Variants in DYNC1I2 observed in about 807,000 individuals in gnomAD.
DYNC1I2 encodes dynein cytoplasmic 1 intermediate chain 2, also known as cytoplasmic dynein 1 intermediate chain 2.
Under a neutral mutation model 88.6 loss-of-function variants are expected in DYNC1I2, and 53 were observed. The observed-to-expected ratio is 0.60, with a 90% CI of 0.48 to 0.75. The LOEUF (loss-of-function observed/expected upper bound fraction) is 0.75, where lower values mean the gene tolerates loss of function less well. Ranked by LOEUF, DYNC1I2 falls within the 30% of genes least tolerant of loss-of-function variation. The pLI is 0.00. For synonymous variants in DYNC1I2, 198 were observed against 254.6 expected (o/e 0.78, Z 2.12); for missense variants, 458 against 766.6 (o/e 0.60, Z 4.75).
At chr2:171,721,906 G>C (rs970585321) in intron 7 of DYNC1I2, among the ~76,000 whole-genome samples, 2 of 152,114 alleles carry the variant, frequency 1.3e-5, no homozygotes, top group African/African-American at 4.8e-5. Flanking sequence ...AGATTCATAA[G>C]TAGCAATGTT....
At chr2:171,701,017 T>A (rs983972568) in intron 3 of DYNC1I2, among the ~76,000 whole-genome samples, 7 of 152,236 alleles carry the variant, frequency 4.6e-5, no homozygotes, top group Admixed American at 2.6e-4. Context: ...AAAAAATATG[T>A]CTTGATAAAC....
chr2:171,749,344 A>G lies in DYNC1I2; in HGVS notation c.*1455A>G, dbSNP rs1431308208. Among the ~76,000 whole-genome samples, 2 of 152,144 alleles carry G rather than the reference A, an allele frequency of 1.3e-5. No homozygotes were observed. Among genetic ancestry groups the G allele is most frequent in the Non-Finnish European group, 1.5e-5 (1 of 67,978 alleles). On this transcript the variant is annotated 3_prime_UTR_variant, in exon 18 of 18. Coordinates refer to ENST00000397119, the MANE Select transcript of DYNC1I2 (RefSeq NM_001378.3). ...GGGGTATCAGTATGTGAAATGGAAT[A>G]TAGAAAAGTAGGCAATTCTTTACTT...
At position 171,692,827 on chromosome 2, in the gene DYNC1I2, TG is replaced by T; in HGVS notation, c.160del (p.Glu54LysfsTer16). Reference sequence around the variant, plus strand: ...CTCCTGTGCAAGAAGAATCAGATCTTGAAAAAAAAAGGAGAGAAGCTGAAGC... The same window carrying T: ...CTCCTGTGCAAGAAGAATCAGATCTTAAAAAAAAAGGAGAGAAGCTGAAGC... ...VAPVQEESDL[E>X]KKRREAEALL... On this transcript the variant is annotated frameshift_variant, in exon 3 of 18. Transcript: ENST00000397119. LOFTEE classifies it high-confidence loss of function. 1 of 1,609,282 alleles carries T rather than the reference TG, an allele frequency of 6.2e-7. No individual in the cohort carries two copies. The highest frequency in any genetic ancestry group is 8.5e-7 in the Non-Finnish European group (1 of 1,177,860).
In DYNC1I2 at chr2:171,712,795, G is replaced by T; in HGVS notation, c.364G>T (p.Val122Phe). The change falls in exon 6 of 18, where the codon GTT becomes TTT. Residue 122 changes from valine to phenylalanine, a missense_variant. This residue lies in a region of DYNC1I2 where 203 missense variants were observed against 354.2 expected (regional missense o/e 0.57). Coordinates refer to ENST00000397119, the MANE Select transcript of DYNC1I2 (RefSeq NM_001378.3). Reference sequence around the variant, plus strand: ...GCTGCATTGGGATACAGATCCATCAGTTCTTCAGCTTCACTCAGATTCCGA... The same window carrying T: ...GCTGCATTGGGATACAGATCCATCATTTCTTCAGCTTCACTCAGATTCCGA... ...RTLHWDTDPS[V>F]LQLHSDSDLG... The T allele has an allele frequency of 3.1e-6, 5 of 1,613,492 alleles. No individual in the cohort carries two copies. The highest frequency in any genetic ancestry group is 4.2e-6 in the Non-Finnish European group (5 of 1,179,600).
chr2:171,730,057 G>A (rs2292814), intron 15 of DYNC1I2, among the ~76,000 whole-genome samples: 123,773 of 152,134 alleles, frequency 0.81, 51,534 homozygotes, highest in Middle Eastern at 0.91. Flanking sequence ...GTAACCCTAC[G>A]CAGAATCAAG....
At chr2:171,747,674 A>T in intron 17 of DYNC1I2, 102 bp from the exon 18 acceptor site, 1 of 740,848 alleles carries the variant, frequency 1.3e-6, no homozygotes, top group Non-Finnish European at 2.2e-6. Flanking sequence ...CAGGTCAATT[A>T]TTACTTTTTA....
chr2:171,690,784 AG>A (rs1196902326), intron 2 of DYNC1I2, among the ~76,000 whole-genome samples: 1 of 151,604 alleles, frequency 6.6e-6, no homozygotes, highest in Non-Finnish European at 1.5e-5. Flanking sequence ...CCTCTGGAGT[AG>A]CTGGGCCTAC....
chr2:171,699,812 A>AT (rs1559367452), intron 3 of DYNC1I2, among the ~76,000 whole-genome samples: 1 of 150,916 alleles, frequency 6.6e-6, no homozygotes, highest in Non-Finnish European at 1.5e-5. Context: ...AGTTTAAAAA[A>AT]TTTTTTTTTG....
chr2:171,699,837 C>T (rs1027708270), intron 3 of DYNC1I2, among the ~76,000 whole-genome samples: 11 of 151,790 alleles, frequency 7.2e-5, no homozygotes, highest in Non-Finnish European at 1.0e-4. Flanking sequence ...GATGGGGTCT[C>T]GCTATGTTAC....
chr2:171,727,676 CTT>C, intron 11 of DYNC1I2, 143 bp from the exon 12 acceptor site: 1 of 632,370 alleles, frequency 1.6e-6, no homozygotes, highest in Non-Finnish European at 2.4e-6. Context: ...ACAGTGAAAA[CTT>C]TTAATTAATT....
At chr2:171,739,828 C>A (rs953712731) in intron 15 of DYNC1I2, among the ~76,000 whole-genome samples, 5 of 151,318 alleles carry the variant, frequency 3.3e-5, no homozygotes, top group Admixed American at 2.0e-4. Context: ...GCCTCAGCCT[C>A]CTGAGTAGCT....
chr2:171,705,766 C>G (rs1686634301), intron 3 of DYNC1I2, among the ~76,000 whole-genome samples: 1 of 152,034 alleles, frequency 6.6e-6, no homozygotes, highest in South Asian at 2.1e-4. Flanking sequence ...TAGCACAGTG[C>G]CACCTACATG....
intron 3 of DYNC1I2, among the ~76,000 whole-genome samples, chr2:171,698,831 T>C (rs1390446661): frequency 6.6e-6 from 1 of 151,974 alleles, no homozygotes; most frequent in African/African-American, 2.4e-5. Flanking sequence ...ATGGCGCCAC[T>C]GCACTCCAGC....
chr2:171,700,216 C>T lies in DYNC1I2; in HGVS notation c.227-6331C>T, dbSNP rs1574519491. On this transcript the variant is annotated intron_variant, in intron 3 of 17. Coordinates refer to ENST00000397119, the MANE Select transcript of DYNC1I2 (RefSeq NM_001378.3). ...ACAGCTGAGTTCCCATCCTCGTGGG[C>T]CACTCCACGGATCTACTTGAGTATC... Among the ~76,000 whole-genome samples, 8 of 152,286 alleles carry T rather than the reference C, an allele frequency of 5.3e-5. No individual in the cohort carries two copies. In the South Asian group the frequency reaches 1.7e-3, roughly 32 times the overall value.
At chr2:171,708,194 A>G (rs1288054688) in intron 5 of DYNC1I2, among the ~76,000 whole-genome samples, 1 of 152,142 alleles carries the variant, frequency 6.6e-6, no homozygotes, top group African/African-American at 2.4e-5. Flanking sequence ...TGGGCCAGGA[A>G]GTTGCATGTC....
At chr2:171,709,781 G>A (rs13432293) in intron 5 of DYNC1I2, among the ~76,000 whole-genome samples, 162 of 152,118 alleles carry the variant, frequency 1.1e-3, no homozygotes, top group African/African-American at 3.5e-3. Flanking sequence ...GCAGTGGCAC[G>A]ATCTTGGCTC....
chr2:171,706,196 G>A (rs1455652456), intron 3 of DYNC1I2, among the ~76,000 whole-genome samples: 1 of 152,010 alleles, frequency 6.6e-6, no homozygotes, highest in Admixed American at 6.5e-5. Context: ...CTTTTCAGTA[G>A]ACTGTTAAAA....
chr2:171,728,293 T>C lies in DYNC1I2; in HGVS notation c.1144-12T>C. 1 of 1,495,840 alleles carries C rather than the reference T, an allele frequency of 6.7e-7. No homozygotes were observed. The highest frequency in any genetic ancestry group is 8.9e-7 in the Non-Finnish European group (1 of 1,118,112). The allele number at this position is 1,495,840 out of a possible 1,614,324, so 92.7% of individuals were successfully genotyped here. A position where few individuals can be genotyped will look rare whatever the true frequency, so the allele number is the denominator to read the frequency against. Reference sequence around the variant, plus strand: ...TACAATAATCCCTGAAAACTTTTTTTAATATCTCTAGCACCCTGTATATTG... The same window carrying C: ...TACAATAATCCCTGAAAACTTTTTTCAATATCTCTAGCACCCTGTATATTG... On this transcript the variant is annotated splice_polypyrimidine_tract_variant and intron_variant, in intron 12 of 17. Transcript: ENST00000397119.
chr2:171,744,813 C>G (rs768028137), intron 16 of DYNC1I2, among the ~76,000 whole-genome samples: 1 of 152,028 alleles, frequency 6.6e-6, no homozygotes, highest in Non-Finnish European at 1.5e-5. Flanking sequence ...CTTAGAGAAG[C>G]TTAAAAATGT....
Sources: gnomAD v4.1 joint callset for allele counts (sites outside exome capture counted in the v4.1 genomes callset) on GRCh38, gnomAD v4.1.1 for gene constraint, gnomAD v4.1.1 regional missense constraint, MANE v1.5 for transcripts, NCBI Gene and HGNC (gene_info 2026-07-23, HGNC 2026-07-21) for gene names.